RBM27: variants seen among roughly 807,000 people sequenced by gnomAD.
RBM27 encodes the protein RNA binding motif protein 27.
Under a neutral mutation model 135.3 loss-of-function variants are expected in RBM27, and 22 were observed. That is an observed-to-expected ratio of 0.16 (90% CI 0.12 to 0.23). The LOEUF (loss-of-function observed/expected upper bound fraction) is 0.23, where lower values mean the gene tolerates loss of function less well. Ranked by LOEUF, RBM27 falls within the 10% of genes least tolerant of loss-of-function variation. The pLI is 1.00. For missense variants in RBM27, 1,009 were observed against 1,281.0 expected (o/e 0.79, Z 3.24); for synonymous variants, 481 against 442.4 (o/e 1.09, Z -1.10).
At chr5:146,260,031 G>A (rs534425109) in intron 11 of RBM27, among the ~76,000 whole-genome samples, 1 of 149,624 alleles carries the variant, frequency 6.7e-6, no homozygotes, top group East Asian at 2.0e-4. Context: ...CGGGCGTAGT[G>A]GCTCACACCT....
intron 2 of RBM27, among the ~76,000 whole-genome samples, chr5:146,221,203 T>A (rs2126716818): frequency 6.7e-6 from 1 of 149,542 alleles, no homozygotes; most frequent in African/African-American, 2.5e-5. Flanking sequence ...ATTACATAGG[T>A]AATATATATG....
chr5:146,255,046 C>T lies in RBM27; in HGVS notation c.1548C>T (p.Pro516=), dbSNP rs200515002. 145 of 1,612,516 alleles carry T rather than the reference C, an allele frequency of 9.0e-5. No homozygotes were observed. The African/African-American group carries it at 1.7e-3, about 19-fold the overall frequency. The change falls in exon 10 of 21, where the codon CCC becomes CCT. Residue 516 remains proline (P), a synonymous_variant. Coordinates refer to ENST00000265271, the MANE Select transcript of RBM27 (RefSeq NM_018989.2). ...TTTCAAGAACTCAGACACAGCGTCCCAATCTGATTGGCCTAACATCTGGAG... is the reference window on the plus strand; with the variant it reads ...TTTCAAGAACTCAGACACAGCGTCCTAATCTGATTGGCCTAACATCTGGAG... ...QFFSRTQTQR[P]NLIGLTSGDM...
intron 11 of RBM27, among the ~76,000 whole-genome samples, chr5:146,260,279 A>G (rs890497268): frequency 9.2e-5 from 14 of 151,788 alleles, no homozygotes; most frequent in Non-Finnish European, 2.1e-4. Context: ...AGCCTGGGCG[A>G]ATGAGTGAGA....
chr5:146,240,674 T>C (rs898266186), intron 8 of RBM27, among the ~76,000 whole-genome samples: 2 of 152,176 alleles, frequency 1.3e-5, no homozygotes, highest in African/African-American at 2.4e-5. Context: ...ATTTGTTACA[T>C]AATGACATAT....
At chr5:146,256,446 T>C (rs1758107726) in intron 10 of RBM27, among the ~76,000 whole-genome samples, 2 of 150,918 alleles carry the variant, frequency 1.3e-5, no homozygotes, top group African/African-American at 4.9e-5. Context: ...GCCTCCTGGG[T>C]TCAAGCGATT....
intron 1 of RBM27, among the ~76,000 whole-genome samples, chr5:146,205,672 A>G (rs540350682): frequency 1.4e-4 from 21 of 152,236 alleles, no homozygotes; most frequent in African/African-American, 4.6e-4. Context: ...GATGTAATGA[A>G]ATTGACCATA....
At chr5:146,277,117 G>A (rs949656446) in intron 19 of RBM27, among the ~76,000 whole-genome samples, 1 of 152,184 alleles carries the variant, frequency 6.6e-6, no homozygotes, top group Non-Finnish European at 1.5e-5. Flanking sequence ...CTAAACTGCT[G>A]TAATTTTTTC....
intron 8 of RBM27, among the ~76,000 whole-genome samples, chr5:146,243,007 T>C (rs1581186629): frequency 6.6e-6 from 1 of 152,288 alleles, no homozygotes; most frequent in South Asian, 2.1e-4. Context: ...GGCTCATGCC[T>C]GTAATCCCAG....
chr5:146,253,576 G>A (rs1581203404), intron 9 of RBM27, among the ~76,000 whole-genome samples: 1 of 152,052 alleles, frequency 6.6e-6, no homozygotes, highest in Admixed American at 6.6e-5. Context: ...GGGAAAAATG[G>A]GGGTGGGAGG....
At chr5:146,282,607 A>T (rs1198810609) in intron 19 of RBM27, among the ~76,000 whole-genome samples, 1 of 152,242 alleles carries the variant, frequency 6.6e-6, no homozygotes, top group Non-Finnish European at 1.5e-5. Flanking sequence ...TATTATAAGT[A>T]ATCTAGAGAG....
chr5:146,273,878 T>C (rs1758975384), intron 19 of RBM27, among the ~76,000 whole-genome samples: 1 of 152,234 alleles, frequency 6.6e-6, no homozygotes, highest in Non-Finnish European at 1.5e-5. Context: ...TTATCATAAG[T>C]GGATTATGGT....
intron 3 of RBM27, among the ~76,000 whole-genome samples, 171 bp downstream of exon 3, chr5:146,223,698 T>C (rs1756552906): frequency 6.6e-6 from 1 of 152,208 alleles, no homozygotes; most frequent in African/African-American, 2.4e-5. Flanking sequence ...ACTGAAGAGT[T>C]GAAAAGTTTC....
chr5:146,217,582 C>G (rs192982058), intron 1 of RBM27, among the ~76,000 whole-genome samples: 90 of 148,100 alleles, frequency 6.1e-4, no homozygotes, highest in African/African-American at 2.2e-3. Flanking sequence ...TCAAGGTGTC[C>G]TTTTGCCTCA....
Position 146,268,935 on chromosome 5 carries a change from T to C in RBM27, c.2452-272T>C, listed in dbSNP as rs202124794. On this transcript the variant is annotated intron_variant, in intron 15 of 20. Transcript: ENST00000265271. ...TTACATTGGCAAGTGAAAACAACTT[T>C]GGTTTTTCTTCATAAGGACATTCAG... Among the ~76,000 whole-genome samples, 3 of 152,226 alleles carry C rather than the reference T, an allele frequency of 2.0e-5. No homozygotes were observed. In the East Asian group the frequency reaches 5.8e-4, roughly 29 times the overall value.
chr5:146,232,775 G>A (rs1756993018), intron 6 of RBM27, among the ~76,000 whole-genome samples: 5 of 152,110 alleles, frequency 3.3e-5, no homozygotes, highest in Admixed American at 3.3e-4. Flanking sequence ...CACCATGTTG[G>A]TCAGGATGGT....
chr5:146,247,194 G>A (rs994974740), intron 8 of RBM27, among the ~76,000 whole-genome samples: 1 of 151,676 alleles, frequency 6.6e-6, no homozygotes, highest in Non-Finnish European at 1.5e-5. Context: ...CTTTTTTATT[G>A]CTCCTCAAAA....
In RBM27 at chr5:146,267,636, C is replaced by G. The variant is rs758608174; in HGVS notation, c.2332-13C>G. 15 of 1,331,908 alleles carry G rather than the reference C, an allele frequency of 1.1e-5. No homozygotes were observed. The highest frequency in any genetic ancestry group is 1.5e-5 in the South Asian group (1 of 66,764). The allele number at this position is 1,331,908 out of a possible 1,614,324, so 82.5% of individuals were successfully genotyped here. A position where few individuals can be genotyped will look rare whatever the true frequency, so the allele number is the denominator to read the frequency against. On this transcript the variant is annotated splice_polypyrimidine_tract_variant and intron_variant, in intron 14 of 20. Transcript: ENST00000265271. ...ATATTTGTGTGTGCTTTTTTTTTTT[C>G]TTTATTTTTTAGATATTTTCAACTC...
At chr5:146,221,574 T>C (rs1462372547) in intron 2 of RBM27, among the ~76,000 whole-genome samples, 1 of 152,086 alleles carries the variant, frequency 6.6e-6, no homozygotes, top group Non-Finnish European at 1.5e-5. Flanking sequence ...GCTGGAATTA[T>C]AGGCATGTAC....
rs1758866057 is a variant in RBM27, at chr5:146,271,566, A to G, written c.2880A>G (p.Gly960=). Residue 960 remains glycine, a synonymous_variant, in exon 19 of 21, where the codon GGA becomes GGG. Transcript: ENST00000265271. ...GAGGAAGAGGCCGAGGGCGTGGAGG[A>G]AGAGGAAGGGGCTCACTAAATCACA... is the stretch of plus-strand genomic sequence containing the variant. ...QGRGRGRGRG[G]RGRGSLNHMV... 6.2e-7 allele frequency: 1 copy of G among 1,613,512 alleles called. No individual in the cohort carries two copies. Among genetic ancestry groups the G allele is most frequent in the African/African-American group, 1.3e-5 (1 of 74,906 alleles).
Sources: gnomAD v4.1 joint callset for allele counts (sites outside exome capture counted in the v4.1 genomes callset) on GRCh38, gnomAD v4.1.1 for gene constraint, MANE v1.5 for transcripts, NCBI Gene and HGNC (gene_info 2026-07-23, HGNC 2026-07-21) for gene names.